GRID2: variants seen among roughly 807,000 people sequenced by gnomAD.
The protein encoded by GRID2 is glutamate ionotropic receptor delta type subunit 2.
Under a neutral mutation model 114.8 loss-of-function variants are expected in GRID2, and 33 were observed. The ratio of observed to expected loss-of-function variants is 0.29; its 90% CI spans 0.22 to 0.38. GRID2 has a LOEUF of 0.38. GRID2 is among the 10% of genes least tolerant of loss of function. The pLI is 1.00. For synonymous variants in GRID2, 505 were observed against 449.9 expected, an observed-to-expected ratio of 1.12 and a Z score of -1.55; for missense variants, 1,184 against 1,257.7, an observed-to-expected ratio of 0.94 and a Z score of 0.89.
At chr4:92,859,692 A>C (rs1190081046) in intron 2 of GRID2, among the ~76,000 whole-genome samples, 5 of 152,276 alleles carry the variant, frequency 3.3e-5, no homozygotes, top group Admixed American at 2.0e-4. Flanking sequence ...TGAGGAGTAG[A>C]TACCTTAACA....
intron 8 of GRID2, among the ~76,000 whole-genome samples, chr4:93,306,650 T>C (rs1482612673): frequency 6.6e-6 from 1 of 152,164 alleles, no homozygotes; most frequent in Non-Finnish European, 1.5e-5. Flanking sequence ...GTTCCACGTT[T>C]AATAGATGGG....
intron 14 of GRID2, among the ~76,000 whole-genome samples, chr4:93,717,779 T>C (rs1218017561): frequency 1.3e-5 from 2 of 152,182 alleles, no homozygotes; most frequent in Non-Finnish European, 2.9e-5. Flanking sequence ...AGATAAAGAA[T>C]CTTAAAAGCT....
intron 14 of GRID2, among the ~76,000 whole-genome samples, chr4:93,755,346 A>G (rs1200942688): frequency 6.6e-6 from 1 of 152,216 alleles, no homozygotes; most frequent in Non-Finnish European, 1.5e-5. Context: ...TGCGTGGGAA[A>G]ACTAAATTGT....
rs144144080 is a variant in GRID2 at position 92,787,833 on chromosome 4, C to T, written c.244+197547C>T. ...GCTGCCTCCTACGGTGATAGAAGAC[C>T]GATGACATGTGGTTGGATTCTGACT... On this transcript the variant is annotated intron_variant, in intron 2 of 15. Transcript: ENST00000282020. Among the ~76,000 whole-genome samples the T allele has an allele frequency of 8.6e-4, 130 of 151,826 alleles. 1 individual carries two copies. The highest frequency in any genetic ancestry group is 4.0e-3 in the South Asian group (19 of 4,810).
At chr4:92,703,170 T>C (rs1365606647) in intron 2 of GRID2, among the ~76,000 whole-genome samples, 2 of 152,112 alleles carry the variant, frequency 1.3e-5, no homozygotes, top group Non-Finnish European at 2.9e-5. Context: ...TGACAAATGA[T>C]ACATAGAAGA....
chr4:93,757,116 A>G (rs547698271), intron 14 of GRID2, among the ~76,000 whole-genome samples: 1 of 152,302 alleles, frequency 6.6e-6, no homozygotes, highest in South Asian at 2.1e-4. Flanking sequence ...TCATTCACTT[A>G]TTCACTCATA....
chr4:92,584,319 G>C (rs922697805), intron 1 of GRID2, among the ~76,000 whole-genome samples: 3 of 151,916 alleles, frequency 2.0e-5, no homozygotes, highest in African/African-American at 7.2e-5. Flanking sequence ...TAAATCTCTT[G>C]ACTTGGATAT....
At position 93,515,205 on chromosome 4, in the gene GRID2, C is replaced by G. The variant is rs1428439143; in HGVS notation, c.1998-11C>G. 2 of 1,411,506 alleles carry G rather than the reference C, an allele frequency of 1.4e-6. No individual in the cohort carries two copies. Among genetic ancestry groups the G allele is most frequent in the African/African-American group, 2.9e-5 (2 of 69,516 alleles). 87.4% of individuals were successfully genotyped at this position (1,411,506 alleles called of 1,614,324 possible). A position where few individuals can be genotyped will look rare whatever the true frequency, so the allele number is the denominator to read the frequency against. On this transcript the variant is annotated splice_polypyrimidine_tract_variant and intron_variant, in intron 12 of 15. Coordinates refer to ENST00000282020, the MANE Select transcript of GRID2 (RefSeq NM_001510.4). Reference sequence around the variant, plus strand: ...TGTCTCTTGTGTCTCTCTTCTCTCCCAATAATCAAGGTCTCTCCAGGACCT... The same window carrying G: ...TGTCTCTTGTGTCTCTCTTCTCTCCGAATAATCAAGGTCTCTCCAGGACCT...
chr4:92,461,607 T>C (rs1721498662), intron 1 of GRID2, among the ~76,000 whole-genome samples: 1 of 152,032 alleles, frequency 6.6e-6, no homozygotes, highest in African/African-American at 2.4e-5. Context: ...GCTAATAAAA[T>C]GCCTTTTTTT....
chr4:92,780,010 G>A (rs1738993435), intron 2 of GRID2, among the ~76,000 whole-genome samples: 1 of 151,938 alleles, frequency 6.6e-6, no homozygotes, highest in Middle Eastern at 3.2e-3. Context: ...AGTTAATAGA[G>A]AGAAATGAAA....
intron 14 of GRID2, among the ~76,000 whole-genome samples, chr4:93,702,372 A>C (rs1665565189): frequency 6.6e-6 from 1 of 152,086 alleles, no homozygotes; most frequent in South Asian, 2.1e-4. Flanking sequence ...TTTTTCTCTA[A>C]ACATTGTGTT....
At chr4:93,494,616 G>T (rs184851060) in intron 12 of GRID2, among the ~76,000 whole-genome samples, 1 of 151,748 alleles carries the variant, frequency 6.6e-6, no homozygotes, top group African/African-American at 2.4e-5. Context: ...TATCCCTTCA[G>T]TGATATGGGC....
chr4:92,524,407 C>CTTTTTTT (rs869060153), intron 1 of GRID2, among the ~76,000 whole-genome samples: 107 of 106,550 alleles, frequency 1.0e-3, no homozygotes, highest in African/African-American at 2.8e-3. Flanking sequence ...ATTTCCTTGT[C>CTTTTTTT]TTTTTTTTTT....
At chr4:92,640,867 A>G (rs1305403458) in intron 2 of GRID2, among the ~76,000 whole-genome samples, 1 of 151,886 alleles carries the variant, frequency 6.6e-6, no homozygotes, top group African/African-American at 2.4e-5. Flanking sequence ...TTCCTTAAAT[A>G]TTTACACATT....
intron 8 of GRID2, among the ~76,000 whole-genome samples, chr4:93,360,889 T>C (rs1165351142): frequency 3.9e-5 from 6 of 152,014 alleles, no homozygotes; most frequent in Admixed American, 6.6e-5. Context: ...TCTCTTTGTC[T>C]ATATTTCTTT....
At chr4:92,938,889 T>A (rs1467987752) in intron 2 of GRID2, among the ~76,000 whole-genome samples, 1 of 147,068 alleles carries the variant, frequency 6.8e-6, no homozygotes, top group Admixed American at 7.4e-5. Flanking sequence ...ACAAAGGACA[T>A]GAACTCATCA....
At chr4:92,578,104 CTTCTTCTTCTTTTTCTTATTATTA>C (rs1182170791) in intron 1 of GRID2, among the ~76,000 whole-genome samples, 1 of 130,088 alleles carries the variant, frequency 7.7e-6, no homozygotes, top group Non-Finnish European at 1.7e-5. Flanking sequence ...TCTTCTTCTT[CTTCTTCTTCTTTTTCTTATTATTA>C]TTATTACACT....
At chr4:93,597,577 A>G (rs1739229965) in intron 13 of GRID2, among the ~76,000 whole-genome samples, 1 of 152,174 alleles carries the variant, frequency 6.6e-6, no homozygotes, top group African/African-American at 2.4e-5. Flanking sequence ...AGAACTTCCT[A>G]TAATTCCCTC....
At chr4:93,776,841 C>T (rs1351133587), downstream of GRID2, among the ~76,000 whole-genome samples, 1 of 152,204 alleles carries the variant, frequency 6.6e-6, no homozygotes, top group Non-Finnish European at 1.5e-5. Context: ...GCATACCATT[C>T]AGAGACTGAC....
Sources: gnomAD v4.1 joint callset for allele counts (sites outside exome capture counted in the v4.1 genomes callset) on GRCh38, gnomAD v4.1.1 for gene constraint, MANE v1.5 for transcripts, NCBI Gene and HGNC (gene_info 2026-07-23, HGNC 2026-07-21) for gene names.